GPC6: variants seen among roughly 807,000 people sequenced by gnomAD.
GPC6 encodes glypican-6.
A neutral mutation model predicts 55.2 loss-of-function variants in GPC6; 14 were observed. The ratio of observed to expected loss-of-function variants is 0.25; its 90% CI spans 0.17 to 0.40. The LOEUF is 0.40. GPC6 is among the 10% of genes least tolerant of loss of function. The pLI, the probability that GPC6 is intolerant of heterozygous loss-of-function variation, is 1.00. For synonymous variants in GPC6, 278 were observed against 259.6 expected, an observed-to-expected ratio of 1.07 and a Z score of -0.68; for missense variants, 641 against 708.5, an observed-to-expected ratio of 0.90 and a Z score of 1.08.
intron 3 of GPC6, among the ~76,000 whole-genome samples, chr13:93,992,462 T>C (rs1412967083): frequency 6.6e-6 from 1 of 152,186 alleles, no homozygotes; most frequent in Admixed American, 6.5e-5. Context: ...TATATAACTT[T>C]ACATAACATT....
At chr13:93,655,821 C>T (rs1880637794) in intron 2 of GPC6, among the ~76,000 whole-genome samples, 1 of 152,126 alleles carries the variant, frequency 6.6e-6, no homozygotes, top group South Asian at 2.1e-4. Context: ...CCTAAATTAG[C>T]TTGGTTATCG....
intron 1 of GPC6, among the ~76,000 whole-genome samples, chr13:93,542,629 C>T (rs888364817): frequency 3.3e-5 from 5 of 152,148 alleles, no homozygotes; most frequent in Admixed American, 2.0e-4. Context: ...TGGCCATTTT[C>T]GTGATATTGA....
chr13:94,297,059 C>T (rs1875374296), intron 5 of GPC6, among the ~76,000 whole-genome samples: 1 of 152,096 alleles, frequency 6.6e-6, no homozygotes, highest in African/African-American at 2.4e-5. Context: ...TTCCTAAAAA[C>T]TTAACATGTA....
At chr13:93,268,386 A>G (rs1223144432) in intron 1 of GPC6, among the ~76,000 whole-genome samples, 1 of 152,192 alleles carries the variant, frequency 6.6e-6, no homozygotes, top group Non-Finnish European at 1.5e-5. Flanking sequence ...GTCTTGAATA[A>G]TCTCCATTTA....
At chr13:93,797,559 A>G (rs1886238655) in intron 2 of GPC6, among the ~76,000 whole-genome samples, 1 of 152,054 alleles carries the variant, frequency 6.6e-6, no homozygotes, top group African/African-American at 2.4e-5. Context: ...GGAATTAGTG[A>G]ATTTTGAGTT....
At chr13:93,362,432 C>T (rs1881074676) in intron 1 of GPC6, among the ~76,000 whole-genome samples, 2 of 152,076 alleles carry the variant, frequency 1.3e-5, no homozygotes, top group Admixed American at 6.6e-5. Flanking sequence ...GTAAACCCAT[C>T]CAAGGTGAGA....
chr13:94,006,755 G>A (rs571612659), intron 3 of GPC6, among the ~76,000 whole-genome samples: 8 of 152,040 alleles, frequency 5.3e-5, no homozygotes, highest in East Asian at 1.9e-4. Context: ...TCTCATTTCC[G>A]TTTCCAGAGA....
chr13:94,239,424 C>A (rs145147176), intron 4 of GPC6, among the ~76,000 whole-genome samples: 1 of 152,044 alleles, frequency 6.6e-6, no homozygotes, highest in Non-Finnish European at 1.5e-5. Flanking sequence ...TCTGTGACAA[C>A]TGGAATAGAC....
At chr13:93,863,577 G>A (rs572809093) in intron 3 of GPC6, among the ~76,000 whole-genome samples, 1 of 151,696 alleles carries the variant, frequency 6.6e-6, no homozygotes, top group South Asian at 2.1e-4. Flanking sequence ...GATTAGGCTC[G>A]ATTTATGGTA....
chr13:94,108,574 C>T (rs1033092932), intron 4 of GPC6, among the ~76,000 whole-genome samples: 2 of 152,286 alleles, frequency 1.3e-5, no homozygotes, highest in African/African-American at 4.8e-5. Flanking sequence ...GGTGCAGTGG[C>T]TGACGCTTTT....
chr13:93,777,386 A>C (rs1449193266), intron 2 of GPC6, among the ~76,000 whole-genome samples: 2 of 152,162 alleles, frequency 1.3e-5, no homozygotes, highest in Non-Finnish European at 2.9e-5. Flanking sequence ...ACTCTCCTAA[A>C]CAGAGCAAAT....
At chr13:94,014,180 G>A (rs1375155537) in intron 3 of GPC6, among the ~76,000 whole-genome samples, 2 of 152,094 alleles carry the variant, frequency 1.3e-5, no homozygotes, top group African/African-American at 4.8e-5. Flanking sequence ...TATTCAAATG[G>A]AATTAGAAGG....
intron 4 of GPC6, among the ~76,000 whole-genome samples, chr13:94,201,475 A>T (rs553614095): frequency 1.8e-4 from 28 of 152,132 alleles, no homozygotes; most frequent in South Asian, 4.1e-4. Flanking sequence ...CACACCAAAA[A>T]ATATATATAT....
At chr13:93,918,782 A>G (rs746601998) in intron 3 of GPC6, among the ~76,000 whole-genome samples, 3 of 152,206 alleles carry the variant, frequency 2.0e-5, no homozygotes, top group East Asian at 3.9e-4. Flanking sequence ...CCCACCACAC[A>G]TATCTATTTC....
In GPC6 at chr13:94,278,724, G is replaced by C. The variant is rs1256470670; in HGVS notation, c.878-7625G>C. On this transcript the variant is annotated intron_variant, in intron 4 of 8. Transcript: ENST00000377047. ...GGTTTTTGCCTTTGGTTCTATTTATGTGATGGATTACATATATTGATTTGT... is the reference window on the plus strand; with the variant it reads ...GGTTTTTGCCTTTGGTTCTATTTATCTGATGGATTACATATATTGATTTGT... Among the ~76,000 whole-genome samples, 10 of 152,232 alleles carry C rather than the reference G, an allele frequency of 6.6e-5. No homozygotes were observed. In the East Asian group the frequency reaches 1.9e-3, roughly 29 times the overall value.
chr13:93,409,252 A>G (rs1182267297), intron 1 of GPC6, among the ~76,000 whole-genome samples: 2 of 151,716 alleles, frequency 1.3e-5, no homozygotes, highest in Non-Finnish European at 1.5e-5. Context: ...GCATTGCCCT[A>G]CTCATTAGTG....
At chr13:93,442,793 T>G (rs1877853151) in intron 1 of GPC6, among the ~76,000 whole-genome samples, 1 of 152,180 alleles carries the variant, frequency 6.6e-6, no homozygotes, top group East Asian at 1.9e-4. Flanking sequence ...CTGCTAAGTG[T>G]ATATATATAT....
chr13:93,687,794 A>G (rs960046474), intron 2 of GPC6, among the ~76,000 whole-genome samples: 2 of 89,866 alleles, frequency 2.2e-5, no homozygotes, highest in Non-Finnish European at 5.4e-5. Flanking sequence ...AAGGGACTGA[A>G]TGCATTGTCT....
chr13:93,576,965 A>G (rs76746611), intron 2 of GPC6, among the ~76,000 whole-genome samples: 4,984 of 152,194 alleles, frequency 0.033, 262 homozygotes, highest in African/African-American at 0.11. Context: ...AACTCCGTGT[A>G]TTTGAAATAC....
Sources: gnomAD v4.1 joint callset for allele counts (sites outside exome capture counted in the v4.1 genomes callset) on GRCh38, gnomAD v4.1.1 for gene constraint, MANE v1.5 for transcripts, NCBI Gene and HGNC (gene_info 2026-07-23, HGNC 2026-07-21) for gene names.